Variants in OTOA observed in about 807,000 individuals in gnomAD.
The protein encoded by OTOA is cancer/testis antigen 108.
A neutral mutation model predicts 110.8 loss-of-function variants in OTOA; 70 were observed. The ratio of observed to expected loss-of-function variants is 0.63; its 90% CI spans 0.52 to 0.77. The LOEUF (loss-of-function observed/expected upper bound fraction) is 0.77, where lower values mean the gene tolerates loss of function less well. OTOA is among the 30% of genes least tolerant of loss of function. OTOA has a pLI of 0.00. For missense variants in OTOA, 917 were observed against 1,075.8 expected (o/e 0.85, Z 2.06); for synonymous variants, 373 against 431.5 (o/e 0.86, Z 1.68).
intron 18 of OTOA, among the ~76,000 whole-genome samples, chr16:21,725,314 C>G (rs1185578195): frequency 1.3e-5 from 2 of 151,232 alleles, no homozygotes; most frequent in Non-Finnish European, 3.0e-5. Flanking sequence ...AGACGGGGTC[C>G]CATTCTGTCA....
chr16:21,723,041 C>T, intron 18 of OTOA, 63 bp downstream of exon 18: 1 of 1,522,404 alleles, frequency 6.6e-7, no homozygotes, highest in Non-Finnish European at 9.1e-7. Context: ...TCACTGAAGT[C>T]AAAATGATTC....
At position 21,719,442 on chromosome 16, in the gene OTOA, G is replaced by A; in HGVS notation, c.1744G>A (p.Asp582Asn). The part of the protein sequence containing the change: ...TCSHIDAMST[D>N]FFLAHFQDFQ... ...CTCACACATTGATGCCATGAGCACT[G>A]ACTTCTTTCTGGCCCATTTCCAGGA... Residue 582 changes from aspartate (D) to asparagine (N), a missense_variant, in exon 17 of 29, where the codon GAC (aspartate) becomes AAC (asparagine). By Grantham distance (23) the Asp-to-Asn change is conservative. This residue lies in a region of OTOA where 840 missense variants were observed against 910.2 expected (regional missense o/e 0.92). Coordinates refer to ENST00000646100, the MANE Select transcript of OTOA (RefSeq NM_144672.4). 1 of 1,614,130 alleles carries A rather than the reference G, an allele frequency of 6.2e-7. No homozygotes were observed. The highest frequency in any genetic ancestry group is 1.1e-5 in the South Asian group (1 of 91,070).
chr16:21,716,267 A>C (rs1224271736), intron 14 of OTOA, among the ~76,000 whole-genome samples: 1 of 151,986 alleles, frequency 6.6e-6, no homozygotes, highest in Non-Finnish European at 1.5e-5. Context: ...CCAATGGCAA[A>C]ATCTGTTAAG....
Position 21,687,643 on chromosome 16 carries a change from G to C in OTOA, c.630G>C (p.Lys210Asn). The C allele has an allele frequency of 6.2e-7, 1 of 1,601,486 alleles. No homozygotes were observed. The highest frequency in any genetic ancestry group is 8.5e-7 in the Non-Finnish European group (1 of 1,171,206). The change falls in exon 8 of 29, where the codon AAG (lysine) becomes AAC (asparagine). Residue 210 changes from lysine to asparagine, a missense_variant. Transcript: ENST00000646100. ...GGGACCTGCGCGAGGATGCCTTTAA[G>C]AACCTGTGAGTGGTTCCTCCGAACT... ...LPRDLREDAF[K>N]NLSAVFKDLY...
At chr16:21,690,597 A>T (rs572044710) in intron 8 of OTOA, among the ~76,000 whole-genome samples, 44 of 151,982 alleles carry the variant, frequency 2.9e-4, no homozygotes, top group African/African-American at 1.1e-3. Flanking sequence ...TCTATTATTG[A>T]TGGGCATTTG....
Position 21,697,771 on chromosome 16 carries a change from G to A in OTOA, c.740-4G>A, listed in dbSNP as rs371042710. 2.3e-5 allele frequency: 37 copies of A among 1,613,236 alleles called. 1 individual carries two copies. The African/African-American group carries it at 4.5e-4, about 20-fold the overall frequency. On this transcript the variant is annotated splice_polypyrimidine_tract_variant and splice_region_variant and intron_variant, in intron 9 of 28. Transcript: ENST00000646100. ...TCATTTATTCATTTCTTTATTTTTT[G>A]TAGATGACTCTGCTTCATGGGTCAG...
intron 1 of OTOA, among the ~76,000 whole-genome samples, chr16:21,667,457 A>G (rs1966842718): frequency 6.6e-6 from 1 of 152,166 alleles, no homozygotes; most frequent in Non-Finnish European, 1.5e-5. Context: ...GATCGAGACC[A>G]TCCTGGCTAA....
chr16:21,701,203 G>A (rs1898046767), intron 11 of OTOA, 176 bp downstream of exon 11: 1 of 904,528 alleles, frequency 1.1e-6, no homozygotes, highest in South Asian at 1.5e-5. Flanking sequence ...TTTTTATGAA[G>A]AGGTTATGAA....
At chr16:21,705,813 C>T (rs551026198) in intron 12 of OTOA, among the ~76,000 whole-genome samples, 1 of 152,212 alleles carries the variant, frequency 6.6e-6, no homozygotes, top group South Asian at 2.1e-4. Context: ...GTGGCATGCG[C>T]CTGTAATCCC....
chr16:21,751,604 G>A (rs1313664682), intron 24 of OTOA, among the ~76,000 whole-genome samples: 2 of 101,742 alleles, frequency 2.0e-5, no homozygotes, highest in Non-Finnish European at 4.5e-5. Context: ...TGCAGAAGAA[G>A]TTGTATGTCC....
chr16:21,760,298 T>A lies in OTOA; in HGVS notation c.3350-172T>A, dbSNP rs555278805. 7.3e-5 allele frequency among the ~76,000 whole-genome samples: 11 copies of A among 151,408 alleles called. No homozygotes were observed. In the South Asian group the frequency reaches 2.3e-3, roughly 32 times the overall value. ...TGACACAATCTCATTTAATTCTCACTCCCCCACCCCTCCTCCTCTTTGGGG... is the reference window on the plus strand; with the variant it reads ...TGACACAATCTCATTTAATTCTCACACCCCCACCCCTCCTCCTCTTTGGGG... On this transcript the variant is annotated intron_variant, in intron 28 of 28. Transcript: ENST00000646100.
intron 1 of OTOA, among the ~76,000 whole-genome samples, chr16:21,673,718 A>G (rs947163687): frequency 2.0e-5 from 3 of 152,178 alleles, no homozygotes; most frequent in African/African-American, 7.2e-5. Context: ...ACGGAATGAC[A>G]TTTAGATTGG....
chr16:21,702,954 A>G (rs1361800504), intron 11 of OTOA, among the ~76,000 whole-genome samples: 2 of 152,206 alleles, frequency 1.3e-5, no homozygotes, highest in Non-Finnish European at 2.9e-5. Context: ...GATTAGAGGC[A>G]TGAACTACCA....
chr16:21,671,586 C>CA (rs369010025), intron 1 of OTOA, among the ~76,000 whole-genome samples: 30,874 of 78,102 alleles, frequency 0.4, 4,327 homozygotes, highest in African/African-American at 0.49. Flanking sequence ...GACTCCATAT[C>CA]AAAAAAAAAA....
At chr16:21,676,889 C>T (rs1252269160) in intron 1 of OTOA, among the ~76,000 whole-genome samples, 6 of 152,156 alleles carry the variant, frequency 3.9e-5, no homozygotes, top group African/African-American at 1.4e-4. Flanking sequence ...TGTTTGCCTT[C>T]CTTGCTCAGG....
intron 10 of OTOA, 110 bp from the exon 11 acceptor site, chr16:21,700,777 GA>G: frequency 8.1e-7 from 1 of 1,240,956 alleles, no homozygotes; most frequent in Non-Finnish European, 1.2e-6. Context: ...TGAGAACCAG[GA>G]GGTGTATCCA....
intron 11 of OTOA, among the ~76,000 whole-genome samples, chr16:21,702,216 C>T (rs1282627530): frequency 1.3e-5 from 2 of 152,198 alleles, no homozygotes; most frequent in Non-Finnish European, 2.9e-5. Flanking sequence ...TTCCAAAGTG[C>T]TGAGATTACA....
chr16:21,691,756 C>A, intron 9 of OTOA, 69 bp downstream of exon 9: 1 of 1,361,128 alleles, frequency 7.3e-7, no homozygotes, highest in South Asian at 1.2e-5. Flanking sequence ...TGTTTCATCT[C>A]TGAAAACATG....
Position 21,678,601 on chromosome 16 carries a change from G to A in OTOA, c.87G>A (p.Arg29=), listed in dbSNP as rs1411695897. Residue 29 remains arginine (R), a synonymous_variant, in exon 2 of 29, where the codon AGG becomes AGA. Coordinates refer to ENST00000646100, the MANE Select transcript of OTOA (RefSeq NM_144672.4). Reference sequence around the variant, plus strand: ...CGAGTTATACAGTGCCAAATTCCAGGCAGGGTAAGTCCTGAGGGAAGAATC... The same window carrying A: ...CGAGTTATACAGTGCCAAATTCCAGACAGGGTAAGTCCTGAGGGAAGAATC... ...GVSSYTVPNS[R]QDLHPLLQNM... is the part of the protein sequence containing the mutation. 6.2e-7 allele frequency: 1 copy of A among 1,613,330 alleles called. No individual in the cohort carries two copies. The highest frequency in any genetic ancestry group is 8.5e-7 in the Non-Finnish European group (1 of 1,179,466).
Sources: allele counts gnomAD v4.1 joint callset (sites outside exome capture counted in the v4.1 genomes callset), GRCh38; gene constraint gnomAD v4.1.1; regional missense constraint gnomAD v4.1.1; transcripts MANE v1.5; gene names NCBI Gene and HGNC (gene_info 2026-07-23, HGNC 2026-07-21).